CDH12: variants seen among roughly 807,000 people sequenced by gnomAD.
CDH12 encodes cadherin 12, also known as cadherin-12.
A neutral mutation model predicts 74.1 loss-of-function variants in CDH12; 41 were observed. The ratio of observed to expected loss-of-function variants is 0.55; its 90% CI spans 0.43 to 0.72. CDH12 has a LOEUF of 0.72. Ranked by LOEUF, CDH12 falls within the 30% of genes least tolerant of loss-of-function variation. The pLI is 0.00. For synonymous variants in CDH12, 399 were observed against 355.0 expected (o/e 1.12, Z -1.39); for missense variants, 945 against 977.2 (o/e 0.97, Z 0.44).
chr5:21,877,395 C>T (rs577979583), intron 6 of CDH12, among the ~76,000 whole-genome samples: 1 of 152,234 alleles, frequency 6.6e-6, no homozygotes, highest in African/African-American at 2.4e-5. Context: ...GAGAGTATTA[C>T]TACTTTATTT....
intron 6 of CDH12, among the ~76,000 whole-genome samples, chr5:21,909,801 GA>G (rs1753788970): frequency 6.6e-6 from 1 of 151,968 alleles, no homozygotes; most frequent in Non-Finnish European, 1.5e-5. Flanking sequence ...TTAACTATAT[GA>G]AAAAAAGACA....
chr5:22,836,221 C>CTTTTTTTTTTTTTTTTTT (rs1561065927), intron 1 of CDH12, among the ~76,000 whole-genome samples: 2 of 13,290 alleles, frequency 1.5e-4, no homozygotes, highest in Non-Finnish European at 2.7e-4. Context: ...TTCTTTCTTT[C>CTTTTTTTTTTTTTTTTTT]TCTTTTTTTT....
intron 1 of CDH12, among the ~76,000 whole-genome samples, chr5:22,600,421 C>G (rs894044391): frequency 1.3e-5 from 2 of 152,016 alleles, no homozygotes; most frequent in African/African-American, 4.8e-5. Context: ...CTAGTTTTAG[C>G]AAGTATATGT....
intron 6 of CDH12, among the ~76,000 whole-genome samples, chr5:21,959,669 G>A (rs1756257946): frequency 6.6e-6 from 1 of 151,226 alleles, no homozygotes; most frequent in East Asian, 1.9e-4. Flanking sequence ...CAGCACTTTG[G>A]GAGGCCAAGG....
chr5:22,038,759 A>G (rs1402319887), intron 5 of CDH12, among the ~76,000 whole-genome samples: 1 of 152,140 alleles, frequency 6.6e-6, no homozygotes, highest in Non-Finnish European at 1.5e-5. Flanking sequence ...CTGAAGTGGC[A>G]CATCACCTCA....
At chr5:21,898,023 C>T (rs1753204415) in intron 6 of CDH12, among the ~76,000 whole-genome samples, 1 of 151,948 alleles carries the variant, frequency 6.6e-6, no homozygotes, top group South Asian at 2.1e-4. Flanking sequence ...TTATTAAAGT[C>T]ATCATAAAAT....
At position 22,838,646 on chromosome 5, in the gene CDH12, A is replaced by AGTGTGT. The variant is rs1260205552; in HGVS notation, c.-523+14411_-523+14412insACACAC. ...TCATTTCTTAAAATGGGTGTGTGAG[A>AGTGTGT]GTGTCTGTGTGTGTGTGTGTGTGTG... On this transcript the variant is annotated intron_variant, in intron 1 of 14. Transcript: ENST00000382254. Among the ~76,000 whole-genome samples, 402 of 112,786 alleles carry AGTGTGT rather than the reference A, an allele frequency of 3.6e-3. 2 individuals are homozygous for AGTGTGT. The highest frequency in any genetic ancestry group is 0.012 in the African/African-American group (379 of 30,448). 74.0% of individuals were successfully genotyped at this position (112,786 alleles called of 152,430 possible).
chr5:22,797,685 G>C (rs191883128), intron 1 of CDH12, among the ~76,000 whole-genome samples: 1 of 152,066 alleles, frequency 6.6e-6, no homozygotes, highest in Non-Finnish European at 1.5e-5. Context: ...AATCAGAAAA[G>C]TTCCCTTTGC....
At chr5:22,719,025 C>G (rs536802228) in intron 1 of CDH12, among the ~76,000 whole-genome samples, 138 of 151,736 alleles carry the variant, frequency 9.1e-4, no homozygotes, top group African/African-American at 3.1e-3. Flanking sequence ...GTGAATTATC[C>G]CACCCGATGG....
At chr5:22,580,410 TC>T (rs773804845) in intron 1 of CDH12, 45 of 500,922 alleles carry the variant, frequency 9.0e-5, no homozygotes, top group Non-Finnish European at 1.6e-4. Flanking sequence ...GTAGGGAGCA[TC>T]CTCAGAAACA....
intron 6 of CDH12, among the ~76,000 whole-genome samples, chr5:21,904,071 C>T (rs1342400080): frequency 6.6e-6 from 1 of 152,140 alleles, no homozygotes; most frequent in Non-Finnish European, 1.5e-5. Flanking sequence ...CCTCTGTAGT[C>T]TCTTCTCTTT....
rs895014957 is a variant in CDH12 at position 22,094,899 on chromosome 5, C to T, written c.-186-16037G>A. Reference sequence around the variant, plus strand: ...ACACCAGAGAACAACCCCTCTTTGACTGTAATTTTCATTTACCTACCCAAA... The same window carrying T: ...ACACCAGAGAACAACCCCTCTTTGATTGTAATTTTCATTTACCTACCCAAA... On this transcript the variant is annotated intron_variant, in intron 4 of 14. Transcript: ENST00000382254. Among the ~76,000 whole-genome samples, 4 of 152,224 alleles carry T rather than the reference C, an allele frequency of 2.6e-5. No individual in the cohort carries two copies. The East Asian group carries it at 5.8e-4, about 22-fold the overall frequency.
At chr5:22,808,605 C>CTTTTTTTTTT (rs34567315) in intron 1 of CDH12, among the ~76,000 whole-genome samples, 8 of 111,476 alleles carry the variant, frequency 7.2e-5, no homozygotes, top group East Asian at 2.6e-4. Context: ...CTTTTCTTGT[C>CTTTTTTTTTT]TTTTTTTTTT....
intron 10 of CDH12, among the ~76,000 whole-genome samples, chr5:21,792,640 T>TCCAG (rs1325470145): frequency 4.7e-5 from 7 of 149,582 alleles, no homozygotes; most frequent in African/African-American, 1.7e-4. Context: ...CATACACGGT[T>TCCAG]TCTTACGGAA....
At chr5:22,807,597 T>A (rs961983646) in intron 1 of CDH12, among the ~76,000 whole-genome samples, 1 of 152,228 alleles carries the variant, frequency 6.6e-6, no homozygotes, top group African/African-American at 2.4e-5. Context: ...TGAACTTAGA[T>A]GGTATAGCCC....
chr5:21,980,516 AT>A (rs1425959170), intron 5 of CDH12, among the ~76,000 whole-genome samples: 1 of 152,070 alleles, frequency 6.6e-6, no homozygotes, highest in African/African-American at 2.4e-5. Flanking sequence ...ATGACTTCTG[AT>A]TTGTGAATTG....
chr5:22,336,903 C>T (rs1476338100), intron 3 of CDH12, among the ~76,000 whole-genome samples: 1 of 152,202 alleles, frequency 6.6e-6, no homozygotes, highest in Non-Finnish European at 1.5e-5. Flanking sequence ...TGACAGCTTG[C>T]ACCATCCACC....
At chr5:22,113,703 G>A (rs557163927) in intron 4 of CDH12, among the ~76,000 whole-genome samples, 1 of 152,186 alleles carries the variant, frequency 6.6e-6, no homozygotes, top group Admixed American at 6.5e-5. Context: ...ATTTGGCTCA[G>A]ACTAAATCTC....
intron 1 of CDH12, among the ~76,000 whole-genome samples, chr5:22,567,641 CA>C (rs1739352827): frequency 6.6e-6 from 1 of 151,196 alleles, no homozygotes. Flanking sequence ...AATAATCAGG[CA>C]AACTGAACTA....
Sources: allele counts gnomAD v4.1 joint callset (sites outside exome capture counted in the v4.1 genomes callset), GRCh38; gene constraint gnomAD v4.1.1; transcripts MANE v1.5; gene names NCBI Gene and HGNC (gene_info 2026-07-23, HGNC 2026-07-21).